The following ZBTB25 variants were observed in gnomAD, a reference collection of about 807,000 sequenced individuals.
ZBTB25 encodes the protein zinc finger and BTB domain containing 25.
ZBTB25 carries 20 observed loss-of-function variants against 34.2 expected under a neutral mutation model. The ratio of observed to expected loss-of-function variants is 0.58; its 90% CI spans 0.41 to 0.85. The LOEUF is 0.85. ZBTB25 is among the 40% of genes least tolerant of loss of function. The probability of loss-of-function intolerance (pLI) is 0.00; values close to 1 mark genes in which losing one functional copy is unlikely to be tolerated. For missense variants in ZBTB25, 437 were observed against 521.8 expected (o/e 0.84, Z 1.58); for synonymous variants, 175 against 186.4 (o/e 0.94, Z 0.50).
At position 64,486,615 on chromosome 14, in the gene ZBTB25, C is replaced by G. The variant is rs971324964; in HGVS notation, c.*308G>C. ...TATATTCAATTTGATTTTACTGATT[C>G]TATAACTGGAAAAACTTAGAATTCT... On this transcript the variant is annotated 3_prime_UTR_variant, in exon 3 of 3. Transcript: ENST00000608382. 1 of 960,940 alleles carries G rather than the reference C, an allele frequency of 1.0e-6. No individual in the cohort carries two copies. Among genetic ancestry groups the G allele is most frequent in the South Asian group, 4.8e-5 (1 of 20,694 alleles). 59.5% of individuals were successfully genotyped at this position (960,940 alleles called of 1,614,324 possible). A position where few individuals can be genotyped will look rare whatever the true frequency, so the allele number is the denominator to read the frequency against.
rs148434326 is a variant in ZBTB25 at position 64,494,697 on chromosome 14, C to T, written c.-7-4157G>A. Among the ~76,000 whole-genome samples, 123 of 152,224 alleles carry T rather than the reference C, an allele frequency of 8.1e-4. 1 individual carries two copies. The highest frequency in any genetic ancestry group is 2.9e-3 in the African/African-American group (120 of 41,556). ...AAGCTTAGACACAGACATGACAGGA[C>T]AGGACATTAAGGAAGCTGCAGATCA... On this transcript the variant is annotated intron_variant, in intron 1 of 2. Coordinates refer to ENST00000608382, the MANE Select transcript of ZBTB25 (RefSeq NM_006977.5).
chr14:64,465,321 T>C (rs1218874229), intron 2 of ZBTB25, among the ~76,000 whole-genome samples: 4 of 151,910 alleles, frequency 2.6e-5, no homozygotes, highest in Non-Finnish European at 4.4e-5. Context: ...CGGAGCACGA[T>C]GGGCTTCCCC....
In ZBTB25 at chr14:64,480,409, C is replaced by T; in HGVS notation, c.*6514G>A. 1 of 375,558 alleles carries T rather than the reference C, an allele frequency of 2.7e-6. No individual in the cohort carries two copies. The highest frequency in any genetic ancestry group is 5.1e-6 in the Non-Finnish European group (1 of 195,870). 23.3% of individuals were successfully genotyped at this position (375,558 alleles called of 1,614,324 possible). A position where few individuals can be genotyped will look rare whatever the true frequency, so the allele number is the denominator to read the frequency against. ...ATACTACCTTTCTTTCCAGAGACAG[C>T]AGTTGGAAAGCATTTGATTAGGACG... is the stretch of plus-strand genomic sequence containing the variant. On this transcript the variant is annotated 3_prime_UTR_variant, in exon 3 of 3. Coordinates refer to ENST00000608382, the MANE Select transcript of ZBTB25 (RefSeq NM_006977.5).
Position 64,471,547 on chromosome 14 carries a change from T to C in ZBTB25, c.173+18814A>G, listed in dbSNP as rs1275116032. On this transcript the variant is annotated intron_variant, in intron 2 of 2. Transcript: ENST00000555220. ...ATTGAAAGGGAAGCATCTGATCTCA[T>C]CAATGATTGCCATATTTTTTGAAAA... 1.8e-5 allele frequency: 3 copies of C among 167,262 alleles called. No individual in the cohort carries two copies. The South Asian group carries it at 6.2e-4, about 35-fold the overall frequency. 10.4% of individuals were successfully genotyped at this position (167,262 alleles called of 1,614,324 possible).
intron 2 of ZBTB25, chr14:64,467,656 C>T (rs1418927731): frequency 6.6e-6 from 1 of 151,778 alleles, no homozygotes; most frequent in Non-Finnish European, 1.5e-5. Flanking sequence ...AGTTGCATGG[C>T]TTTTGACAAG....
intron 1 of ZBTB25, among the ~76,000 whole-genome samples, chr14:64,491,710 C>T (rs145073108): frequency 1.9e-3 from 292 of 152,176 alleles, no homozygotes; most frequent in African/African-American, 6.7e-3. Context: ...TGGAGAGAGC[C>T]CTGGTACTTT....
chr14:64,459,697 G>T, intron 2 of ZBTB25: 1 of 1,395,388 alleles, frequency 7.2e-7, no homozygotes, highest in South Asian at 1.3e-5. Flanking sequence ...CAGTATGGAA[G>T]GAACAGGAAA....
upstream of ZBTB25, chr14:64,504,702 T>G (rs1007562578): frequency 5.4e-6 from 2 of 367,354 alleles, no homozygotes; most frequent in Non-Finnish European, 9.7e-6. Flanking sequence ...AGACCCGGAG[T>G]CGCCGCGTAA....
At chr14:64,450,295 G>C (rs1337923493) in intron 2 of ZBTB25, among the ~76,000 whole-genome samples, 2 of 152,246 alleles carry the variant, frequency 1.3e-5, no homozygotes, top group Non-Finnish European at 2.9e-5. Context: ...TAGCAGATTG[G>C]TAAGGGGCTG....
chr14:64,488,599 A>G (rs1349121033), intron 2 of ZBTB25, among the ~76,000 whole-genome samples: 1 of 152,242 alleles, frequency 6.6e-6, no homozygotes, highest in Non-Finnish European at 1.5e-5. Flanking sequence ...AAAAGAAGGA[A>G]GTTCTGATAC....
Position 64,478,385 on chromosome 14 carries a change from C to T in ZBTB25, c.*8538G>A, listed in dbSNP as rs1437635255. 4.6e-5 allele frequency: 7 copies of T among 152,168 alleles called. No homozygotes were observed. The South Asian group carries it at 8.3e-4, about 18-fold the overall frequency. The allele number at this position is 152,168 out of a possible 1,614,324, so 9.4% of individuals were successfully genotyped here. A position where few individuals can be genotyped will look rare whatever the true frequency, so the allele number is the denominator to read the frequency against. ...TGAGAGAAGAAAGTCAGTTGTTGAA[C>T]CACAGTTGGAAAAGAAAGTAAATTT... On this transcript the variant is annotated 3_prime_UTR_variant, in exon 3 of 3. Coordinates refer to ENST00000608382, the MANE Select transcript of ZBTB25 (RefSeq NM_006977.5).
intron 2 of ZBTB25, chr14:64,471,193 C>A (rs1451529109): frequency 6.5e-6 from 1 of 154,518 alleles, no homozygotes; most frequent in African/African-American, 2.5e-5. Context: ...CACTCTGTCG[C>A]CCAGGCTGGA....
intron 2 of ZBTB25, among the ~76,000 whole-genome samples, chr14:64,457,326 C>A (rs1461683578): frequency 6.6e-6 from 1 of 152,194 alleles, no homozygotes; most frequent in Admixed American, 6.5e-5. Flanking sequence ...AACTCCTCTA[C>A]TCCCCAGCAC....
At chr14:64,464,691 C>G (rs8003596) in intron 2 of ZBTB25, among the ~76,000 whole-genome samples, 1,675 of 152,224 alleles carry the variant, frequency 0.011, 40 homozygotes, top group African/African-American at 0.038. Context: ...GTGATGGATC[C>G]TACTAGATTT....
At chr14:64,449,361 C>A in exon 3 of ZBTB25, 1 of 1,495,830 alleles carries the variant, frequency 6.7e-7, no homozygotes. Context: ...GTGGGTAATT[C>A]ACATGAGGTT....
At chr14:64,466,071 C>T (rs1389324639) in intron 2 of ZBTB25, among the ~76,000 whole-genome samples, 1 of 152,086 alleles carries the variant, frequency 6.6e-6, no homozygotes, top group African/African-American at 2.4e-5. Flanking sequence ...CTTCGTGGTC[C>T]GTATCTGGTG....
intron 2 of ZBTB25, chr14:64,469,564 A>C: frequency 3.1e-6 from 5 of 1,613,772 alleles, no homozygotes; most frequent in Non-Finnish European, 4.2e-6. Context: ...AATATGAAAC[A>C]CTCTTAATTG....
chr14:64,491,621 G>C (rs1438853141), intron 1 of ZBTB25, among the ~76,000 whole-genome samples: 1 of 152,236 alleles, frequency 6.6e-6, no homozygotes, highest in Non-Finnish European at 1.5e-5. Flanking sequence ...AAGAAGCCGA[G>C]TATAAGCAGC....
chr14:64,453,624 TTATGTA>T, intron 2 of ZBTB25: 1 of 693,028 alleles, frequency 1.4e-6, no homozygotes, highest in Admixed American at 2.0e-5. Context: ...AACTATTTGC[TTATGTA>T]TATGTATATA....
Sources: gnomAD v4.1 joint callset for allele counts (sites outside exome capture counted in the v4.1 genomes callset) on GRCh38, gnomAD v4.1.1 for gene constraint, MANE v1.5 for transcripts, NCBI Gene and HGNC (gene_info 2026-07-23, HGNC 2026-07-21) for gene names.